Variants in ZNF385B observed in about 807,000 individuals in gnomAD.
ZNF385B encodes zinc finger protein 533.
ZNF385B carries 23 observed loss-of-function variants against 39.2 expected under a neutral mutation model. That is an observed-to-expected ratio of 0.59 (90% CI 0.42 to 0.83). The LOEUF (loss-of-function observed/expected upper bound fraction) is 0.83, where lower values mean the gene tolerates loss of function less well. ZNF385B is among the 40% of genes least tolerant of loss of function. The probability of loss-of-function intolerance (pLI) is 0.00; values close to 1 mark genes in which losing one functional copy is unlikely to be tolerated. For missense variants in ZNF385B, 552 were observed against 598.9 expected, an observed-to-expected ratio of 0.92 and a Z score of 0.82; for synonymous variants, 205 against 222.6, an observed-to-expected ratio of 0.92 and a Z score of 0.70.
chr2:179,451,251 T>A (rs1304975039), intron 6 of ZNF385B, among the ~76,000 whole-genome samples: 8 of 134,832 alleles, frequency 5.9e-5, no homozygotes, highest in African/African-American at 5.4e-5. Context: ...AAAGTATAAT[T>A]AAAAAAAAAA....
At chr2:179,718,978 AT>A (rs902732932) in intron 3 of ZNF385B, among the ~76,000 whole-genome samples, 16 of 150,768 alleles carry the variant, frequency 1.1e-4, no homozygotes, top group South Asian at 6.3e-4. Context: ...GTGTATATAT[AT>A]TTTTTTTTTC....
intron 3 of ZNF385B, among the ~76,000 whole-genome samples, chr2:179,727,225 A>C (rs757133186): frequency 1.1e-4 from 16 of 152,080 alleles, no homozygotes; most frequent in Non-Finnish European, 1.5e-4. Context: ...ATTTTTATAA[A>C]CTTAAAATAT....
chr2:179,713,674 G>A (rs368274302), intron 3 of ZNF385B, among the ~76,000 whole-genome samples: 1 of 152,122 alleles, frequency 6.6e-6, no homozygotes, highest in Non-Finnish European at 1.5e-5. Flanking sequence ...TATCTTCACC[G>A]CCTAACATAA....
chr2:179,853,632 G>T (rs758986308), intron 1 of ZNF385B, among the ~76,000 whole-genome samples: 88 of 152,134 alleles, frequency 5.8e-4, no homozygotes, highest in Middle Eastern at 3.2e-3. Context: ...AGTTATCTTG[G>T]CAAAGAAATC....
At chr2:179,647,888 C>A (rs1229599637) in intron 3 of ZNF385B, among the ~76,000 whole-genome samples, 1 of 152,108 alleles carries the variant, frequency 6.6e-6, no homozygotes, top group Non-Finnish European at 1.5e-5. Flanking sequence ...CCTTAATTTT[C>A]TTGAGCAATT....
rs1406913510 is a variant in ZNF385B, at chr2:179,442,216, A to G, written c.*1034T>C. The G allele has an allele frequency of 6.6e-6, 1 of 152,654 alleles. No individual in the cohort carries two copies. The highest frequency in any genetic ancestry group is 1.5e-5 in the Non-Finnish European group (1 of 68,034). 9.5% of individuals were successfully genotyped at this position (152,654 alleles called of 1,614,324 possible). A position where few individuals can be genotyped will look rare whatever the true frequency, so the allele number is the denominator to read the frequency against. Reference sequence around the variant, plus strand: ...AGCGAACAGAAAGACAAATTGTTCAATTATAAATTTTTTTATCTTCTGTAC... The same window carrying G: ...AGCGAACAGAAAGACAAATTGTTCAGTTATAAATTTTTTTATCTTCTGTAC... On this transcript the variant is annotated 3_prime_UTR_variant, in exon 10 of 10. Coordinates refer to ENST00000410066, the MANE Select transcript of ZNF385B (RefSeq NM_152520.6).
At chr2:179,766,768 C>A (rs1388827511) in intron 3 of ZNF385B, among the ~76,000 whole-genome samples, 2 of 152,076 alleles carry the variant, frequency 1.3e-5, no homozygotes, top group Non-Finnish European at 2.9e-5. Context: ...GTTAGAATTC[C>A]AATATATTTT....
At chr2:179,740,816 C>T (rs1365040630) in intron 3 of ZNF385B, among the ~76,000 whole-genome samples, 3 of 151,980 alleles carry the variant, frequency 2.0e-5, no homozygotes, top group African/African-American at 4.8e-5. Context: ...AACACAATAA[C>T]GTTTATGACT....
chr2:179,766,065 C>CACACACACACACACAG (rs1390356107), intron 3 of ZNF385B, among the ~76,000 whole-genome samples: 32 of 150,942 alleles, frequency 2.1e-4, no homozygotes, highest in African/African-American at 5.6e-4. Context: ...CACACACACA[C>CACACACACACACACAG]AGCAGACTGG....
At chr2:179,654,452 C>T (rs980248238) in intron 3 of ZNF385B, among the ~76,000 whole-genome samples, 8 of 151,966 alleles carry the variant, frequency 5.3e-5, no homozygotes, top group Admixed American at 3.3e-4. Flanking sequence ...CAGCCTACTA[C>T]GTAGGAACAG....
intron 5 of ZNF385B, among the ~76,000 whole-genome samples, chr2:179,493,763 G>GTATACATATGGGTA (rs1559338006): frequency 2.3e-5 from 2 of 85,354 alleles, no homozygotes; most frequent in African/African-American, 8.4e-5. Context: ...ATACATATAT[G>GTATACATATGGGTA]TATACATATA....
chr2:179,696,659 G>T (rs1698786504), intron 3 of ZNF385B, among the ~76,000 whole-genome samples: 1 of 152,028 alleles, frequency 6.6e-6, no homozygotes, highest in African/African-American at 2.4e-5. Flanking sequence ...GCTTAAGCAT[G>T]TGCTTAGAGT....
chr2:179,567,275 A>G (rs1463285826), intron 3 of ZNF385B, among the ~76,000 whole-genome samples: 1 of 151,990 alleles, frequency 6.6e-6, no homozygotes, highest in Non-Finnish European at 1.5e-5. Context: ...GCAATTTTGG[A>G]TTTTCACAAG....
At chr2:179,847,839 C>T (rs142675232) in intron 1 of ZNF385B, among the ~76,000 whole-genome samples, 20 of 152,308 alleles carry the variant, frequency 1.3e-4, no homozygotes, top group Middle Eastern at 3.4e-3. Context: ...ATTGCACCTA[C>T]GTATGTGGTC....
rs566715022 is a variant in ZNF385B, at chr2:179,718,323, T to C, written c.298+51180A>G. 4.7e-5 allele frequency among the ~76,000 whole-genome samples: 7 copies of C among 149,052 alleles called. No individual in the cohort carries two copies. In the South Asian group the frequency reaches 1.0e-3, roughly 22 times the overall value. ...GTTTTGCTTACTTTATAATCAATGA[T>C]ATATATTATCATAAAGATATATATA... On this transcript the variant is annotated intron_variant, in intron 3 of 9. Transcript: ENST00000410066.
At chr2:179,759,320 A>C (rs1703228114) in intron 3 of ZNF385B, among the ~76,000 whole-genome samples, 1 of 152,192 alleles carries the variant, frequency 6.6e-6, no homozygotes, top group Non-Finnish European at 1.5e-5. Flanking sequence ...GAATTGATGC[A>C]GAGGCTCCTA....
intron 3 of ZNF385B, among the ~76,000 whole-genome samples, chr2:179,705,429 C>T (rs1699518416): frequency 6.6e-6 from 1 of 152,198 alleles, no homozygotes; most frequent in Non-Finnish European, 1.5e-5. Context: ...TCTCACCACC[C>T]ACAAAACCAT....
intron 3 of ZNF385B, among the ~76,000 whole-genome samples, chr2:179,623,965 GCA>G (rs1318589869): frequency 2.6e-5 from 4 of 152,110 alleles, no homozygotes; most frequent in African/African-American, 9.7e-5. Context: ...GCTTTCATCT[GCA>G]ACCATATTTT....
At chr2:179,851,901 T>A (rs1684194476) in intron 1 of ZNF385B, among the ~76,000 whole-genome samples, 1 of 152,228 alleles carries the variant, frequency 6.6e-6, no homozygotes, top group African/African-American at 2.4e-5. Flanking sequence ...TTCCTAAAGA[T>A]CAGACTACCT....
Sources: gnomAD v4.1 joint callset for allele counts (sites outside exome capture counted in the v4.1 genomes callset) on GRCh38, gnomAD v4.1.1 for gene constraint, MANE v1.5 for transcripts, NCBI Gene and HGNC (gene_info 2026-07-23, HGNC 2026-07-21) for gene names.